The following ANKFY1 variants were observed in gnomAD, a reference collection of about 807,000 sequenced individuals.
ANKFY1 encodes ankyrin repeat and FYVE domain-containing protein 1.
A neutral mutation model predicts 128.3 loss-of-function variants in ANKFY1; 47 were observed. That is an observed-to-expected ratio of 0.37 (90% CI 0.29 to 0.47). The LOEUF (loss-of-function observed/expected upper bound fraction) is 0.47. Among genes scored for constraint, ANKFY1 ranks in the 20% least tolerant of loss-of-function variants. The pLI is 1.00. For synonymous variants in ANKFY1, 553 were observed against 601.6 expected (o/e 0.92, Z 1.18); for missense variants, 1,222 against 1,510.6 (o/e 0.81, Z 3.17).
chr17:4,168,866 A>G (rs539969875), intron 24 of ANKFY1: 121 of 288,824 alleles, frequency 4.2e-4, no homozygotes, highest in Non-Finnish European at 7.0e-4. Context: ...AAAGCGGCCC[A>G]TACTGAGGCA....
chr17:4,226,866 AAG>A (rs796461614), intron 3 of ANKFY1, among the ~76,000 whole-genome samples: 1 of 152,176 alleles, frequency 6.6e-6, no homozygotes, highest in Admixed American at 6.5e-5. Flanking sequence ...TCAAGAAAAA[AAG>A]AGTGAGAACA....
At chr17:4,173,507 C>T in intron 20 of ANKFY1, 63 bp from the exon 21 acceptor site, 2 of 1,453,646 alleles carry the variant, frequency 1.4e-6, no homozygotes, top group Non-Finnish European at 1.9e-6. Context: ...CTCCACTCCT[C>T]CTCACCCTCA....
chr17:4,184,012 A>G lies in ANKFY1; in HGVS notation c.1700-102T>C, dbSNP rs1287796387. The G allele has an allele frequency of 6.5e-6, 6 of 922,592 alleles. No individual in the cohort carries two copies. In the African/African-American group the frequency reaches 9.7e-5, roughly 15 times the overall value. The allele number at this position is 922,592 out of a possible 1,614,324, so 57.2% of individuals were successfully genotyped here. A position where few individuals can be genotyped will look rare whatever the true frequency, so the allele number is the denominator to read the frequency against. ...ACTCAAACTGCCTGTTGGGTATAAT[A>G]TGATCAATGCTATAAAAAGAGAGTA... is the stretch of plus-strand genomic sequence containing the variant. On this transcript the variant is annotated intron_variant, in intron 12 of 24. Coordinates refer to ENST00000341657, the MANE Select transcript of ANKFY1 (RefSeq NM_001330063.2).
chr17:4,168,020 C>T, intron 24 of ANKFY1, 109 bp from the exon 25 acceptor site: 1 of 1,296,448 alleles, frequency 7.7e-7, no homozygotes, highest in South Asian at 1.6e-5. Flanking sequence ...GCCCGCAATG[C>T]TACTCTGGCA....
intron 2 of ANKFY1, among the ~76,000 whole-genome samples, chr17:4,237,396 T>C (rs1243134904): frequency 6.6e-6 from 1 of 152,166 alleles, no homozygotes; most frequent in Non-Finnish European, 1.5e-5. Context: ...AACAGAATAC[T>C]CTATGCAAAA....
At chr17:4,225,817 A>G (rs2060415925) in intron 3 of ANKFY1, among the ~76,000 whole-genome samples, 1 of 152,126 alleles carries the variant, frequency 6.6e-6, no homozygotes. Context: ...GGTGGACTGC[A>G]GTGGCGTGAT....
intron 8 of ANKFY1, among the ~76,000 whole-genome samples, chr17:4,196,740 T>C (rs774171191): frequency 6.6e-6 from 1 of 152,236 alleles, no homozygotes; most frequent in Non-Finnish European, 1.5e-5. Context: ...TTCTTCAAAC[T>C]ATCCAAGCAA....
chr17:4,188,623 T>C lies in ANKFY1; in HGVS notation c.1470+759A>G, dbSNP rs1216968290. On this transcript the variant is annotated intron_variant, in intron 11 of 24. Coordinates refer to ENST00000341657, the MANE Select transcript of ANKFY1 (RefSeq NM_001330063.2). The stretch of plus-strand genomic sequence containing the variant: ...AAGTGACCGTAAAATAAATGTGATC[T>C]TGAAGACAAGCACATCCTCATGGTC... 2.6e-4 allele frequency: 39 copies of C among 152,254 alleles called. 1 individual carries two copies. Among genetic ancestry groups the C allele is most frequent in the Non-Finnish European group, 1.5e-5 (1 of 68,048 alleles). The allele number at this position is 152,254 out of a possible 1,614,324, so 9.4% of individuals were successfully genotyped here.
chr17:4,174,044 C>T lies in ANKFY1; in HGVS notation c.2788G>A (p.Ala930Thr). ...TGCTTGGTTAATTCGTTCACTTTGG[C>T]TCCCGCAAGAAGCTGTTGAAGTTCA... ...IIVRNLLLAG[A>T]KVNELTKHRQ... Residue 930 changes from alanine to threonine, a missense_variant, in exon 20 of 25, where the codon GCC becomes ACC. Coordinates refer to ENST00000341657, the MANE Select transcript of ANKFY1 (RefSeq NM_001330063.2). 1.9e-6 allele frequency: 3 copies of T among 1,613,972 alleles called. No individual in the cohort carries two copies. The highest frequency in any genetic ancestry group is 1.7e-6 in the Non-Finnish European group (2 of 1,179,904).
Position 4,177,116 on chromosome 17 carries a change from T to C in ANKFY1, c.2775+10A>G. The C allele has an allele frequency of 7.6e-6, 12 of 1,576,454 alleles. No individual in the cohort carries two copies. Among genetic ancestry groups the C allele is most frequent in the Non-Finnish European group, 1.0e-5 (12 of 1,160,724 alleles). ...CATATTATTACATGCAATACTTCTG[T>C]GTCACTTACCAAATTGCGGACAATA... On this transcript the variant is annotated intron_variant, in intron 19 of 24. Transcript: ENST00000341657.
chr17:4,246,337 C>T (rs1967537561), intron 1 of ANKFY1, among the ~76,000 whole-genome samples: 1 of 152,160 alleles, frequency 6.6e-6, no homozygotes, highest in Non-Finnish European at 1.5e-5. Flanking sequence ...TCCTTTTAAG[C>T]TTGTATCAGT....
At chr17:4,177,391 G>C (rs2059427830) in intron 18 of ANKFY1, 89 bp from the exon 19 acceptor site, 4 of 1,210,464 alleles carry the variant, frequency 3.3e-6, no homozygotes, top group Non-Finnish European at 4.5e-6. Flanking sequence ...CCACTGGAGA[G>C]GTCACGATGG....
chr17:4,260,618 C>CAAA (rs60030304), intron 1 of ANKFY1, among the ~76,000 whole-genome samples: 67 of 65,040 alleles, frequency 1.0e-3, no homozygotes, highest in African/African-American at 3.2e-3. Flanking sequence ...ATCCTGTCTC[C>CAAA]AAAAAAAAAA....
At chr17:4,212,322 T>G (rs4790185) in intron 4 of ANKFY1, among the ~76,000 whole-genome samples, 1 of 152,166 alleles carries the variant, frequency 6.6e-6, no homozygotes, top group South Asian at 2.1e-4. Flanking sequence ...AAAAAAGACC[T>G]GAGTGGAGAC....
chr17:4,255,451 T>C (rs1284178606), intron 1 of ANKFY1, among the ~76,000 whole-genome samples: 3 of 152,104 alleles, frequency 2.0e-5, no homozygotes, highest in Non-Finnish European at 4.4e-5. Context: ...GATTTCGCCA[T>C]GTTGGCCAGG....
At chr17:4,170,542 C>T (rs1807120) in intron 23 of ANKFY1, among the ~76,000 whole-genome samples, 173 bp downstream of exon 23, 5,453 of 152,270 alleles carry the variant, frequency 0.036, 318 homozygotes, top group African/African-American at 0.12. Flanking sequence ...GTGACCTTCC[C>T]AACACGCTCA....
At chr17:4,222,947 C>G (rs922383022) in intron 3 of ANKFY1, 27 of 1,244,804 alleles carry the variant, frequency 2.2e-5, no homozygotes, top group Non-Finnish European at 2.8e-5. Flanking sequence ...TAGAGAAGAA[C>G]GACTTGAGAA....
At position 4,209,855 on chromosome 17, in the gene ANKFY1, T is replaced by C. The variant is rs202161883; in HGVS notation, c.551A>G (p.Asn184Ser). ...AEELNASTLM[N>S]YCAEIIASHW... is the part of the protein sequence containing the mutation. ...ACTTGCAATAATTTCTGCACAGTAG[T>C]TCATCAGTGTGCTGGCATTCAGCTC... The change falls in exon 5 of 25, where the codon AAC becomes AGC. Residue 184 changes from asparagine to serine, a missense_variant. Physicochemically the swap from Asn to Ser is conservative, Grantham distance 46 (BLOSUM62 1). Coordinates refer to ENST00000341657, the MANE Select transcript of ANKFY1 (RefSeq NM_001330063.2). 3.0e-4 allele frequency: 490 copies of C among 1,613,988 alleles called. No homozygotes were observed. Among genetic ancestry groups the C allele is most frequent in the Admixed American group, 4.8e-4 (29 of 60,012 alleles).
At position 4,258,703 on chromosome 17, in the gene ANKFY1, C is replaced by CT. The variant is rs1968255152; in HGVS notation, c.10+5228dup. 6.6e-5 allele frequency among the ~76,000 whole-genome samples: 10 copies of CT among 152,198 alleles called. No individual in the cohort carries two copies. The South Asian group carries it at 2.1e-3, about 32-fold the overall frequency. On this transcript the variant is annotated intron_variant, in intron 1 of 24. Transcript: ENST00000341657. Reference sequence around the variant, plus strand: ...CTACTAGCCACATGGCTACTGAGTACTTGGAATAGGACTAGTACAACTGAG... The same window carrying CT: ...CTACTAGCCACATGGCTACTGAGTACTTTGGAATAGGACTAGTACAACTGAG...
Sources: allele counts gnomAD v4.1 joint callset (sites outside exome capture counted in the v4.1 genomes callset), GRCh38; gene constraint gnomAD v4.1.1; transcripts MANE v1.5; gene names NCBI Gene and HGNC (gene_info 2026-07-23, HGNC 2026-07-21).